Variants in TMIGD3 observed in about 807,000 individuals in gnomAD.
TMIGD3 encodes AD026 protein (AD026).
TMIGD3 carries 21 observed loss-of-function variants against 28.1 expected under a neutral mutation model. The ratio of observed to expected loss-of-function variants is 0.75; its 90% CI spans 0.53 to 1.08. The LOEUF is 1.08. Ranked by LOEUF, TMIGD3 falls within the 50% of genes least tolerant of loss-of-function variation. TMIGD3 has a pLI of 0.00. For synonymous variants in TMIGD3, 151 were observed against 162.1 expected, an observed-to-expected ratio of 0.93 and a Z score of 0.52; for missense variants, 416 against 435.6, an observed-to-expected ratio of 0.96 and a Z score of 0.40.
intron 1 of TMIGD3, among the ~76,000 whole-genome samples, chr1:111,519,180 C>T (rs1205198641): frequency 6.6e-6 from 1 of 152,162 alleles, no homozygotes; most frequent in East Asian, 1.9e-4. Context: ...CTCAGGTGAT[C>T]CATCCACCTC....
Position 111,486,575 on chromosome 1 carries a change from CTA to C in TMIGD3, c.872+9_872+10del, listed in dbSNP as rs1397374686. 5 of 1,609,244 alleles carry C rather than the reference CTA, an allele frequency of 3.1e-6. No homozygotes were observed. The highest frequency in any genetic ancestry group is 2.2e-5 in the East Asian group (1 of 44,850). ...CCCCAAGCCCATTCATCCGCCAAGA[CTA>C]TGACTCACCTGGAGCGGTCAGCCTT... On this transcript the variant is annotated intron_variant, in intron 4 of 5. Transcript: ENST00000369716.
intron 1 of TMIGD3, among the ~76,000 whole-genome samples, chr1:111,544,721 A>G (rs1477843919): frequency 1.3e-5 from 2 of 152,286 alleles, no homozygotes; most frequent in African/African-American, 4.8e-5. Context: ...CAAAACGTAC[A>G]TGAACATCCA....
intron 1 of TMIGD3, among the ~76,000 whole-genome samples, chr1:111,493,041 G>T (rs1466036330): frequency 6.6e-6 from 1 of 152,140 alleles, no homozygotes; most frequent in Non-Finnish European, 1.5e-5. Flanking sequence ...GTTTGTAGAT[G>T]AAATAACTTA....
At chr1:111,527,177 A>T (rs899194374) in intron 1 of TMIGD3, among the ~76,000 whole-genome samples, 17 of 151,538 alleles carry the variant, frequency 1.1e-4, no homozygotes, top group Admixed American at 3.3e-4. Flanking sequence ...CACCCAGATA[A>T]TTTTTTGTAT....
At chr1:111,503,883 AG>A, upstream of TMIGD3, 1 of 992,686 alleles carries the variant, frequency 1.0e-6, no homozygotes, top group Middle Eastern at 5.2e-4. Context: ...TCATTCATTC[AG>A]GGACCAGAGG....
Position 111,488,783 on chromosome 1 carries a change from G to C in TMIGD3, c.699C>G (p.Tyr233Ter). 6.2e-7 allele frequency: 1 copy of C among 1,614,172 alleles called. No individual in the cohort carries two copies. Among genetic ancestry groups the C allele is most frequent in the Non-Finnish European group, 8.5e-7 (1 of 1,180,036 alleles). The change falls in exon 3 of 6, where the codon TAC becomes TAG. Residue 233 changes from tyrosine to a stop codon, truncating the protein, a stop_gained. Coordinates refer to ENST00000369716, the MANE Select transcript of TMIGD3 (RefSeq NM_020683.7). LOFTEE classifies it high-confidence loss of function. ...SCLTKEDTGW[Y>*]WCGIQRDFAR... ...CAAAGTCCCGCTGGATGCCACACCA[G>C]TACCAGCCCGTGTCCTCTTTGGTCA... is the stretch of plus-strand genomic sequence containing the variant.
intron 1 of TMIGD3, among the ~76,000 whole-genome samples, chr1:111,509,110 C>T (rs552170680): frequency 6.6e-6 from 1 of 152,292 alleles, no homozygotes; most frequent in South Asian, 2.1e-4. Context: ...AACAAACAAA[C>T]AAAAGCAGCA....
At chr1:111,534,891 A>G (rs149833946) in intron 1 of TMIGD3, among the ~76,000 whole-genome samples, 1 of 152,328 alleles carries the variant, frequency 6.6e-6, no homozygotes, top group East Asian at 1.9e-4. Flanking sequence ...GAATCAGTGC[A>G]TAAAGTCAAT....
chr1:111,492,177 C>A (rs1488172960), intron 1 of TMIGD3, among the ~76,000 whole-genome samples: 1 of 152,166 alleles, frequency 6.6e-6, no homozygotes, highest in Non-Finnish European at 1.5e-5. Context: ...CCTCCAGCCA[C>A]TGTCAAGCCT....
At chr1:111,518,919 TTTTGTTTGTTTG>T (rs199508412) in intron 1 of TMIGD3, among the ~76,000 whole-genome samples, 1 of 152,166 alleles carries the variant, frequency 6.6e-6, no homozygotes, top group East Asian at 1.9e-4. Context: ...TATTTTCATT[TTTTGTTTGTTTG>T]TTTGTTTGTT....
At chr1:111,535,298 G>A (rs1011695875) in intron 1 of TMIGD3, among the ~76,000 whole-genome samples, 2 of 152,188 alleles carry the variant, frequency 1.3e-5, no homozygotes, top group African/African-American at 4.8e-5. Flanking sequence ...TCTGTTGAAA[G>A]AGAAATCACA....
upstream of TMIGD3, among the ~76,000 whole-genome samples, chr1:111,506,960 TATATACAC>T (rs1655519766): frequency 6.8e-6 from 1 of 147,286 alleles, no homozygotes; most frequent in Non-Finnish European, 1.5e-5. Context: ...CACACATATA[TATATACAC>T]ACACACACAT....
chr1:111,555,195 G>A (rs1362791110), intron 1 of TMIGD3, among the ~76,000 whole-genome samples: 1 of 151,460 alleles, frequency 6.6e-6, no homozygotes, highest in Non-Finnish European at 1.5e-5. Flanking sequence ...ACAAGACCCT[G>A]TCTCTACTAA....
At chr1:111,558,497 T>C (rs1657602992) in intron 1 of TMIGD3, among the ~76,000 whole-genome samples, 1 of 152,146 alleles carries the variant, frequency 6.6e-6, no homozygotes, top group Non-Finnish European at 1.5e-5. Context: ...GGAAATAATT[T>C]TTAAAAAGCA....
In TMIGD3 at chr1:111,483,448, G is replaced by C. The variant is rs535324162; in HGVS notation, c.*239C>G. 9 of 473,634 alleles carry C rather than the reference G, an allele frequency of 1.9e-5. No individual in the cohort carries two copies. Among genetic ancestry groups the C allele is most frequent in the African/African-American group, 1.2e-4 (6 of 51,018 alleles). The allele number at this position is 473,634 out of a possible 1,614,324, so 29.3% of individuals were successfully genotyped here. ...ACCTCTTCTTCACTTCTGACTGATG[G>C]AATGCATAAGAACTAAGATCTTGAG... On this transcript the variant is annotated 3_prime_UTR_variant, in exon 6 of 6. Coordinates refer to ENST00000369716, the MANE Select transcript of TMIGD3 (RefSeq NM_020683.7).
intron 1 of TMIGD3, among the ~76,000 whole-genome samples, chr1:111,516,865 TAA>T (rs1655883556): frequency 6.6e-6 from 1 of 152,196 alleles, no homozygotes; most frequent in African/African-American, 2.4e-5. Flanking sequence ...TGTTGATGGG[TAA>T]ACCTCTTAAC....
chr1:111,529,010 A>G (rs1291548857), intron 1 of TMIGD3, among the ~76,000 whole-genome samples: 1 of 151,884 alleles, frequency 6.6e-6, no homozygotes, highest in Non-Finnish European at 1.5e-5. Context: ...TTCTTGTCTT[A>G]TTGCATTAGC....
chr1:111,487,793 AT>A (rs1161353271), intron 3 of TMIGD3, among the ~76,000 whole-genome samples: 1 of 152,160 alleles, frequency 6.6e-6, no homozygotes, highest in African/African-American at 2.4e-5. Flanking sequence ...CATGAAATTT[AT>A]ATCTGTAAAT....
At chr1:111,544,174 T>A (rs1224025641) in intron 1 of TMIGD3, among the ~76,000 whole-genome samples, 2 of 152,224 alleles carry the variant, frequency 1.3e-5, no homozygotes, top group Admixed American at 6.5e-5. Context: ...TACGCAGGCA[T>A]AAAATCTAAA....
Sources: gnomAD v4.1 joint callset for allele counts (sites outside exome capture counted in the v4.1 genomes callset) on GRCh38, gnomAD v4.1.1 for gene constraint, MANE v1.5 for transcripts, NCBI Gene and HGNC (gene_info 2026-07-23, HGNC 2026-07-21) for gene names.